The following JADE3 variants were observed in gnomAD, a reference collection of about 807,000 sequenced individuals.
JADE3 encodes the protein protein Jade-3.
JADE3 carries 2 observed loss-of-function variants against 50.1 expected under a neutral mutation model. The observed-to-expected ratio is 0.04, with a 90% CI of 0.02 to 0.13. JADE3 has a LOEUF of 0.13. JADE3 is among the 10% of genes least tolerant of loss of function. JADE3 has a pLI of 1.00. For synonymous variants in JADE3, 218 were observed against 232.9 expected (o/e 0.94, Z 0.58); for missense variants, 475 against 634.4 (o/e 0.75, Z 2.70).
At chrX:46,990,557 C>T (rs1240456459) in intron 3 of JADE3, among the ~76,000 whole-genome samples, 3 of 111,431 alleles carry the variant, frequency 2.7e-5, no homozygotes, top group African/African-American at 9.8e-5. Context: ...GCTCCCTACC[C>T]AGTCTGCCAA....
At chrX:47,024,040 C>T (rs965774468) in intron 4 of JADE3, among the ~76,000 whole-genome samples, 1 of 112,809 alleles carries the variant, frequency 8.9e-6, no homozygotes, top group African/African-American at 3.2e-5. Flanking sequence ...GTCTCCGTGA[C>T]AGAAAATTAT....
chrX:46,919,990 T>A (rs1345577926), intron 1 of JADE3, among the ~76,000 whole-genome samples: 1 of 110,760 alleles, frequency 9.0e-6, no homozygotes, highest in Admixed American at 9.7e-5. Flanking sequence ...TAAGGGTCAA[T>A]CAAGAATATT....
intron 1 of JADE3, among the ~76,000 whole-genome samples, chrX:46,940,109 A>G (rs1556341996): frequency 8.9e-6 from 1 of 112,433 alleles, no homozygotes; most frequent in African/African-American, 3.2e-5. Context: ...CTGGTTTACA[A>G]TAATGTTGAG....
At chrX:46,977,271 A>G (rs1331133900) in intron 1 of JADE3, among the ~76,000 whole-genome samples, 3 of 111,615 alleles carry the variant, frequency 2.7e-5, no homozygotes, top group Non-Finnish European at 5.6e-5. Flanking sequence ...AGGCATGAGA[A>G]TCGCCTGAAT....
At chrX:47,020,494 A>G (rs1928772503) in intron 4 of JADE3, among the ~76,000 whole-genome samples, 1 of 111,569 alleles carries the variant, frequency 9.0e-6, no homozygotes, top group Admixed American at 9.5e-5. Context: ...TTTTTTCACT[A>G]ATTCTCACAG....
At chrX:46,912,987 G>GGGGGGC (rs1295565085) in intron 1 of JADE3, 1 of 112,446 alleles carries the variant, frequency 8.9e-6, no homozygotes, top group African/African-American at 3.2e-5. Flanking sequence ...TGGCCCGGGC[G>GGGGGGC]GGGGGCGGGG....
At chrX:47,056,747 G>A (rs1469950423) in intron 10 of JADE3, among the ~76,000 whole-genome samples, 2 of 111,984 alleles carry the variant, frequency 1.8e-5, no homozygotes, top group Non-Finnish European at 1.9e-5. Context: ...CCCACTTGGT[G>A]AGCAAGACAG....
chrX:46,929,959 C>G (rs1926455519), intron 1 of JADE3, among the ~76,000 whole-genome samples: 1 of 112,056 alleles, frequency 8.9e-6, no homozygotes, highest in South Asian at 3.7e-4. Flanking sequence ...CACTCATTTA[C>G]CCAGATGGGA....
chrX:46,947,065 G>C (rs1257527547), intron 1 of JADE3, among the ~76,000 whole-genome samples: 7 of 111,255 alleles, frequency 6.3e-5, no homozygotes, highest in African/African-American at 1.6e-4. Flanking sequence ...TGTCACCCAG[G>C]CTGGAGTGCA....
At chrX:46,914,504 T>C (rs1556335866) in intron 1 of JADE3, among the ~76,000 whole-genome samples, 1 of 112,159 alleles carries the variant, frequency 8.9e-6, no homozygotes, top group African/African-American at 3.2e-5. Context: ...ACTTGAACTG[T>C]AAAAGGATAA....
Position 47,059,845 on chromosome X carries a change from C to T in JADE3, c.*768C>T, listed in dbSNP as rs1420597293. The T allele has an allele frequency of 8.9e-6, 1 of 112,207 alleles. No homozygotes were observed. Among genetic ancestry groups the T allele is most frequent in the Non-Finnish European group, 1.9e-5 (1 of 53,216 alleles). 9.2% of individuals were successfully genotyped at this position (112,207 alleles called of 1,213,427 possible). On this transcript the variant is annotated 3_prime_UTR_variant, in exon 11 of 11. Coordinates refer to ENST00000614628, the MANE Select transcript of JADE3 (RefSeq NM_014735.5). Reference sequence around the variant, plus strand: ...ATTTGTGAAGGATTCCAGAGCCTTTCCCAAAGTGAGACCATTTCTGGGGTA... The same window carrying T: ...ATTTGTGAAGGATTCCAGAGCCTTTTCCAAAGTGAGACCATTTCTGGGGTA...
chrX:47,025,022 C>T (rs1426313326), intron 5 of JADE3, 108 bp downstream of exon 5: 5 of 409,830 alleles, frequency 1.2e-5, no homozygotes, highest in Non-Finnish European at 2.1e-5. Flanking sequence ...TCTTTTCTGG[C>T]CTTTTCATTT....
At chrX:46,913,556 TTTTTG>T (rs782160049) in intron 1 of JADE3, among the ~76,000 whole-genome samples, 61 of 111,558 alleles carry the variant, frequency 5.5e-4, no homozygotes, top group Admixed American at 1.4e-3. Context: ...GTAGTTTGTT[TTTTTG>T]TTTTGTTTTG....
intron 3 of JADE3, among the ~76,000 whole-genome samples, chrX:46,992,188 T>TA (rs782275533): frequency 9.0e-6 from 1 of 110,958 alleles, no homozygotes; most frequent in Admixed American, 9.5e-5. Flanking sequence ...TTGATACCCT[T>TA]CCCCTGCAGA....
chrX:47,016,365 A>G (rs1556362904), intron 4 of JADE3, among the ~76,000 whole-genome samples: 1 of 111,882 alleles, frequency 8.9e-6, no homozygotes, highest in Non-Finnish European at 1.9e-5. Context: ...CCTGTAGTTG[A>G]TGCTATGGTC....
chrX:46,920,439 A>G (rs1926197157), intron 1 of JADE3, among the ~76,000 whole-genome samples: 1 of 112,720 alleles, frequency 8.9e-6, no homozygotes, highest in Admixed American at 9.3e-5. Flanking sequence ...GTATGGATGT[A>G]CCACAGTTTG....
chrX:46,996,228 G>A (rs969970407), intron 3 of JADE3, among the ~76,000 whole-genome samples: 1 of 111,765 alleles, frequency 8.9e-6, no homozygotes, highest in Non-Finnish European at 1.9e-5. Flanking sequence ...GTAGAGACGA[G>A]GTTTCACCAT....
chrX:47,045,459 A>T (rs1411298888), intron 8 of JADE3, among the ~76,000 whole-genome samples: 1 of 112,726 alleles, frequency 8.9e-6, no homozygotes, highest in Non-Finnish European at 1.9e-5. Flanking sequence ...ATAGCTAGAG[A>T]CTTTAATACC....
intron 3 of JADE3, among the ~76,000 whole-genome samples, chrX:46,995,638 TA>T (rs1346386095): frequency 8.9e-6 from 1 of 112,300 alleles, no homozygotes; most frequent in African/African-American, 3.2e-5. Flanking sequence ...TCAAAAACTT[TA>T]AAAATGCCTT....
Sources: allele counts gnomAD v4.1 joint callset (sites outside exome capture counted in the v4.1 genomes callset), GRCh38; gene constraint gnomAD v4.1.1; transcripts MANE v1.5; gene names NCBI Gene and HGNC (gene_info 2026-07-23, HGNC 2026-07-21).